C12orf42: variants seen among roughly 807,000 people sequenced by gnomAD.
C12orf42 encodes the protein uncharacterized protein C12orf42.
C12orf42 carries 25 observed loss-of-function variants against 21.6 expected under a neutral mutation model. That is an observed-to-expected ratio of 1.16 (90% CI 0.84 to 1.62). C12orf42 has a LOEUF of 1.62. C12orf42 is among the 40% of genes most tolerant of loss of function. C12orf42 has a pLI of 0.00. For missense variants in C12orf42, 483 were observed against 459.3 expected, an observed-to-expected ratio of 1.05 and a Z score of -0.47; for synonymous variants, 174 against 175.0, an observed-to-expected ratio of 0.99 and a Z score of 0.05.
At chr12:103,055,879 A>C in the C12orf42 span, among the ~76,000 whole-genome samples, 1 of 152,040 alleles carries the variant, frequency 6.6e-6, no homozygotes, top group African/African-American at 2.4e-5. Flanking sequence ...TTTCCAGTTT[A>C]ATTCCACCAT....
intron 3 of C12orf42, among the ~76,000 whole-genome samples, chr12:103,390,886 G>C (rs2047019428): frequency 1.3e-5 from 2 of 152,138 alleles, no homozygotes; most frequent in African/African-American, 4.8e-5. Flanking sequence ...AAGGACAGAT[G>C]ATTTTTATTC....
At chr12:103,322,096 T>TGTGCACGCGCGTGC (rs1178168172) in intron 4 of C12orf42, among the ~76,000 whole-genome samples, 2 of 145,690 alleles carry the variant, frequency 1.4e-5, no homozygotes, top group Non-Finnish European at 3.0e-5. Flanking sequence ...TCTTCTCAGA[T>TGTGCACGCGCGTGC]GTGCACGCGC....
the C12orf42 span, among the ~76,000 whole-genome samples, chr12:103,063,594 T>C: frequency 6.6e-6 from 1 of 152,176 alleles, no homozygotes; most frequent in Non-Finnish European, 1.5e-5. Flanking sequence ...AGATAAACCC[T>C]GTGCCACCTG....
At chr12:103,336,950 C>A (rs953386710) in intron 4 of C12orf42, among the ~76,000 whole-genome samples, 4 of 152,106 alleles carry the variant, frequency 2.6e-5, no homozygotes, top group African/African-American at 9.7e-5. Flanking sequence ...GGTGTCAAAC[C>A]CAGTTTTAGG....
chr12:103,512,624 C>T, the C12orf42 span, among the ~76,000 whole-genome samples: 5 of 152,102 alleles, frequency 3.3e-5, no homozygotes, highest in East Asian at 5.8e-4. Context: ...AGAAAAAGAA[C>T]ATGACCCATA....
intron 3 of C12orf42, among the ~76,000 whole-genome samples, chr12:103,370,900 T>TATAA (rs1381875437): frequency 1.3e-5 from 2 of 152,030 alleles, no homozygotes; most frequent in Non-Finnish European, 2.9e-5. Flanking sequence ...AAATTAATAA[T>TATAA]ATAAATAAAT....
the C12orf42 span, among the ~76,000 whole-genome samples, chr12:103,229,772 A>G: frequency 6.6e-6 from 1 of 152,188 alleles, no homozygotes; most frequent in Non-Finnish European, 1.5e-5. Context: ...CTATGACTTG[A>G]CTTGTTTCTC....
intron 4 of C12orf42, among the ~76,000 whole-genome samples, chr12:103,355,690 T>C: frequency 6.6e-6 from 1 of 151,992 alleles, no homozygotes; most frequent in Non-Finnish European, 1.5e-5. Context: ...ACCTCCTCAT[T>C]CCTCACATCT....
chr12:103,103,706 C>A, the C12orf42 span, among the ~76,000 whole-genome samples: 2 of 151,652 alleles, frequency 1.3e-5, no homozygotes, highest in South Asian at 2.1e-4. Context: ...TTATTAAAAA[C>A]GTATTAAAAC....
downstream of C12orf42, among the ~76,000 whole-genome samples, chr12:103,236,503 T>C (rs1449464707): frequency 6.6e-6 from 1 of 152,222 alleles, no homozygotes; most frequent in African/African-American, 2.4e-5. Context: ...GTATTTGTGA[T>C]TATCTCAGTT....
At chr12:103,106,670 G>A in the C12orf42 span, among the ~76,000 whole-genome samples, 1 of 151,454 alleles carries the variant, frequency 6.6e-6, no homozygotes, top group Non-Finnish European at 1.5e-5. Context: ...CATAGTCGGG[G>A]AAAAGAAGGA....
the C12orf42 span, among the ~76,000 whole-genome samples, chr12:103,060,085 T>A: frequency 3.8e-3 from 579 of 152,262 alleles, 4 homozygotes; most frequent in Non-Finnish European, 5.3e-3. Flanking sequence ...GAATACCCCA[T>A]CATCTCAGCC....
the C12orf42 span, among the ~76,000 whole-genome samples, chr12:103,546,980 C>T: frequency 1.3e-5 from 2 of 152,226 alleles, no homozygotes; most frequent in African/African-American, 2.4e-5. Flanking sequence ...TCTTCCATGA[C>T]TCTCCAGTCT....
the C12orf42 span, among the ~76,000 whole-genome samples, chr12:103,512,553 GTAATA>G: frequency 6.6e-6 from 1 of 152,184 alleles, no homozygotes; most frequent in Non-Finnish European, 1.5e-5. Context: ...TTCTATGCAT[GTAATA>G]AGATATCACA....
intron 4 of C12orf42, among the ~76,000 whole-genome samples, chr12:103,334,745 G>A (rs1441165203): frequency 2.0e-5 from 3 of 152,116 alleles, no homozygotes; most frequent in South Asian, 2.1e-4. Context: ...GAAATCGCTC[G>A]GCCAACTTCC....
rs752605310 is a variant in C12orf42 at position 103,478,407 on chromosome 12, A to G, written c.20T>C (p.Met7Thr). 11 of 1,597,124 alleles carry G rather than the reference A, an allele frequency of 6.9e-6. No individual in the cohort carries two copies. Among genetic ancestry groups the G allele is most frequent in the Non-Finnish European group, 9.4e-6 (11 of 1,169,064 alleles). Residue 7 changes from methionine (M) to threonine (T), a missense_variant, in exon 2 of 6, where the codon ATG becomes ACG. Transcript: ENST00000548883. Reference sequence around the variant, plus strand: ...CAAGAATTCTTCTTCCCTTTGTTTCATACATATCACTGTAGACATTAATTT... The same window carrying G: ...CAAGAATTCTTCTTCCCTTTGTTTCGTACATATCACTGTAGACATTAATTT... Reference protein sequence around the residue: MSTVICMKQREEEFLLT... With the variant: MSTVICTKQREEEFLLT...
intron 1 of C12orf42, among the ~76,000 whole-genome samples, chr12:103,494,702 G>A (rs920992800): frequency 2.0e-5 from 3 of 152,054 alleles, no homozygotes; most frequent in Admixed American, 6.5e-5. Context: ...AAGTAGGCCC[G>A]GCAATGAATT....
chr12:103,255,746 T>G (rs2034528772), intron 10 of C12orf42, among the ~76,000 whole-genome samples: 1 of 151,934 alleles, frequency 6.6e-6, no homozygotes, highest in Non-Finnish European at 1.5e-5. Flanking sequence ...TATGTCATTA[T>G]TATATCTATT....
chr12:103,121,594 G>A, the C12orf42 span, among the ~76,000 whole-genome samples: 2 of 152,190 alleles, frequency 1.3e-5, no homozygotes, highest in African/African-American at 2.4e-5. Flanking sequence ...GGCCAACACC[G>A]GTGGGCTGTG....
Sources: allele counts gnomAD v4.1 joint callset (sites outside exome capture counted in the v4.1 genomes callset), GRCh38; gene constraint gnomAD v4.1.1; transcripts MANE v1.5; gene names NCBI Gene and HGNC (gene_info 2026-07-23, HGNC 2026-07-21).